Variants in C6 observed in about 807,000 individuals in gnomAD.
The protein encoded by C6 is complement component C6.
C6 carries 101 observed loss-of-function variants against 112.9 expected under a neutral mutation model. The ratio of observed to expected loss-of-function variants is 0.89; its 90% CI spans 0.76 to 1.06. The LOEUF (loss-of-function observed/expected upper bound fraction) is 1.06, where lower values mean the gene tolerates loss of function less well. Ranked by LOEUF, C6 falls within the 50% of genes least tolerant of loss-of-function variation. The pLI, the probability that C6 is intolerant of heterozygous loss-of-function variation, is 0.00. For synonymous variants in C6, 431 were observed against 384.1 expected (o/e 1.12, Z -1.43); for missense variants, 1,202 against 1,104.6 (o/e 1.09, Z -1.25).
chr5:41,244,039 A>G (rs760566066), intron 1 of C6, among the ~76,000 whole-genome samples: 3 of 152,206 alleles, frequency 2.0e-5, no homozygotes, highest in Non-Finnish European at 2.9e-5. Flanking sequence ...ATCCATGTAA[A>G]CTACATTTAT....
At chr5:41,184,525 G>T (rs973291348) in intron 6 of C6, among the ~76,000 whole-genome samples, 1 of 151,774 alleles carries the variant, frequency 6.6e-6, no homozygotes, top group African/African-American at 2.4e-5. Flanking sequence ...AGGCTGGAGT[G>T]CAGTGGCGTG....
intron 7 of C6, 103 bp downstream of exon 7, chr5:41,181,256 C>T: frequency 9.7e-7 from 1 of 1,035,622 alleles, no homozygotes; most frequent in South Asian, 1.4e-5. Flanking sequence ...TATTAGAAGT[C>T]ATACTGGTAC....
rs1032346704 is a variant in C6, at chr5:41,213,490, T to C, written c.-135A>G. ...AATCCAAACAAAGCTTCTTTTCTTA[T>C]TGCTAGCTAACACAAGGCAATGCTG... On this transcript the variant is annotated 5_prime_UTR_variant, in exon 1 of 18. Coordinates refer to ENST00000337836, the MANE Select transcript of C6 (RefSeq NM_000065.5). The C allele has an allele frequency of 6.1e-6, 6 of 985,196 alleles. No homozygotes were observed. The African/African-American group carries it at 8.7e-5, about 14-fold the overall frequency. 61.0% of individuals were successfully genotyped at this position (985,196 alleles called of 1,614,324 possible).
At chr5:41,153,640 C>T (rs1471628149) in intron 15 of C6, among the ~76,000 whole-genome samples, 170 bp downstream of exon 15, 2 of 152,186 alleles carry the variant, frequency 1.3e-5, no homozygotes, top group Non-Finnish European at 2.9e-5. Flanking sequence ...TGGCAATGAG[C>T]TTAGGGAATT....
chr5:41,158,165 T>TA (rs200311656), intron 13 of C6, among the ~76,000 whole-genome samples: 1 of 152,048 alleles, frequency 6.6e-6, no homozygotes. Flanking sequence ...ATTCAGCTTT[T>TA]AAAAAAATCA....
In C6 at chr5:41,235,609, G is replaced by A. The variant is rs1237828870; in HGVS notation, c.-21+25585C>T. Reference sequence around the variant, plus strand: ...ATATACTCAGTAATGGGATGGCTGGGTCAAATGGTATTTCTAGTTCTAGAT... The same window carrying A: ...ATATACTCAGTAATGGGATGGCTGGATCAAATGGTATTTCTAGTTCTAGAT... On this transcript the variant is annotated intron_variant, in intron 1 of 17. Transcript: ENST00000263413. Among the ~76,000 whole-genome samples, 4 of 139,994 alleles carry A rather than the reference G, an allele frequency of 2.9e-5. No individual in the cohort carries two copies. In the East Asian group the frequency reaches 8.8e-4, roughly 31 times the overall value. 91.8% of individuals were successfully genotyped at this position (139,994 alleles called of 152,430 possible). A position where few individuals can be genotyped will look rare whatever the true frequency, so the allele number is the denominator to read the frequency against.
At chr5:41,185,971 T>C (rs1363728841) in intron 6 of C6, 99 bp downstream of exon 6, 4 of 1,442,534 alleles carry the variant, frequency 2.8e-6, no homozygotes, top group Non-Finnish European at 3.9e-6. Context: ...GTTCACCACC[T>C]TTTTATTCTG....
At chr5:41,174,476 C>T (rs538332701) in intron 8 of C6, among the ~76,000 whole-genome samples, 6 of 152,284 alleles carry the variant, frequency 3.9e-5, no homozygotes, top group Admixed American at 1.3e-4. Context: ...TAGAAGATGA[C>T]TTCCCAATAA....
intron 15 of C6, among the ~76,000 whole-genome samples, chr5:41,150,953 T>G (rs999533149): frequency 6.6e-6 from 1 of 150,580 alleles, no homozygotes; most frequent in Non-Finnish European, 1.5e-5. Context: ...GTGGTTGAAG[T>G]GCTGAAAAAC....
At chr5:41,165,659 A>G (rs1747917946) in intron 9 of C6, among the ~76,000 whole-genome samples, 1 of 152,182 alleles carries the variant, frequency 6.6e-6, no homozygotes, top group Non-Finnish European at 1.5e-5. Context: ...GCAACTACAA[A>G]ATAATTATAG....
At chr5:41,238,434 T>C (rs932115897) in intron 1 of C6, among the ~76,000 whole-genome samples, 3 of 152,208 alleles carry the variant, frequency 2.0e-5, no homozygotes, top group African/African-American at 7.2e-5. Flanking sequence ...ACATATCTCA[T>C]TCTTTATTAA....
At chr5:41,243,013 A>G (rs560445560) in intron 1 of C6, among the ~76,000 whole-genome samples, 1 of 152,284 alleles carries the variant, frequency 6.6e-6, no homozygotes, top group Admixed American at 6.5e-5. Context: ...GAGGAATGGG[A>G]AGATAATGGA....
chr5:41,215,869 C>A (rs1752179930), upstream of C6, among the ~76,000 whole-genome samples: 1 of 152,080 alleles, frequency 6.6e-6, no homozygotes. Context: ...ATGGAAGCTG[C>A]TATCTGAAGG....
Position 41,199,861 on chromosome 5 carries a change from T to C in C6, c.352A>G (p.Thr118Ala), listed in dbSNP as rs747591504. The C allele has an allele frequency of 2.5e-6, 4 of 1,613,568 alleles. No homozygotes were observed. The African/African-American group carries it at 4.0e-5, about 16-fold the overall frequency. Residue 118 changes from threonine (T) to alanine (A), a missense_variant, in exon 4 of 18, where the codon ACT (threonine) becomes GCT (alanine). Transcript: ENST00000337836. ...GGTTGAAAGGCTACCAGAGGCGCAG[T>C]GCATGGCTGTCCCCCAAACTGACTG... Reference protein sequence around the residue: ...RPSQFGGQPCTAPLVAFQPCI... With the variant: ...RPSQFGGQPCAAPLVAFQPCI...
At chr5:41,250,497 T>C (rs150388922) in intron 1 of C6, among the ~76,000 whole-genome samples, 133 of 152,354 alleles carry the variant, frequency 8.7e-4, no homozygotes, top group African/African-American at 3.1e-3. Flanking sequence ...ATCTTCTCTG[T>C]CCCATTCATG....
At chr5:41,253,053 T>G (rs1466877388) in intron 1 of C6, among the ~76,000 whole-genome samples, 1 of 152,206 alleles carries the variant, frequency 6.6e-6, no homozygotes, top group Non-Finnish European at 1.5e-5. Flanking sequence ...CAGAATAAAC[T>G]TCTTCAAATA....
intron 9 of C6, among the ~76,000 whole-genome samples, chr5:41,167,694 A>C (rs990100344): frequency 6.6e-6 from 1 of 152,198 alleles, no homozygotes; most frequent in Non-Finnish European, 1.5e-5. Flanking sequence ...ATCAAGCTTG[A>C]GGCACAAAGA....
At chr5:41,216,005 T>A (rs187174265), upstream of C6, among the ~76,000 whole-genome samples, 6 of 152,214 alleles carry the variant, frequency 3.9e-5, no homozygotes, top group East Asian at 1.2e-3. Context: ...GCTTTGTCAG[T>A]CAATATGTGA....
intron 1 of C6, among the ~76,000 whole-genome samples, chr5:41,231,073 T>C (rs967972650): frequency 1.3e-5 from 2 of 152,166 alleles, no homozygotes; most frequent in African/African-American, 2.4e-5. Context: ...TTTCAATCTA[T>C]GTGCATCTTT....
Sources: gnomAD v4.1 joint callset for allele counts (sites outside exome capture counted in the v4.1 genomes callset) on GRCh38, gnomAD v4.1.1 for gene constraint, MANE v1.5 for transcripts, NCBI Gene and HGNC (gene_info 2026-07-23, HGNC 2026-07-21) for gene names.